ADCY5: variants seen among roughly 807,000 people sequenced by gnomAD.
ADCY5 encodes the protein adenylate cyclase 5.
In ADCY5, 30 loss-of-function variants were observed where a neutral mutation model predicts 119.7. The observed-to-expected ratio is 0.25, with a 90% CI of 0.19 to 0.34. The LOEUF (loss-of-function observed/expected upper bound fraction) is 0.34. Ranked by LOEUF, ADCY5 falls within the 10% of genes least tolerant of loss-of-function variation. ADCY5 has a pLI of 1.00. For missense variants in ADCY5, 1,324 were observed against 1,775.2 expected (o/e 0.75, Z 4.57); for synonymous variants, 753 against 762.2 (o/e 0.99, Z 0.20).
At chr3:123,321,021 A>G (rs1345242645) in intron 8 of ADCY5, among the ~76,000 whole-genome samples, 1 of 152,122 alleles carries the variant, frequency 6.6e-6, no homozygotes, top group African/African-American at 2.4e-5. Flanking sequence ...CCACCGGCAC[A>G]ATCCATGTGT....
intron 1 of ADCY5, among the ~76,000 whole-genome samples, chr3:123,376,525 C>T (rs140889535): frequency 1.0e-3 from 155 of 152,284 alleles, no homozygotes; most frequent in Non-Finnish European, 2.0e-3. Context: ...GGAGGGGACA[C>T]CTATTCCTAG....
At chr3:123,345,407 A>C (rs1448908719) in intron 3 of ADCY5, among the ~76,000 whole-genome samples, 7 of 152,202 alleles carry the variant, frequency 4.6e-5, no homozygotes. Context: ...CCACTGAATG[A>C]GCGAAACCTG....
At chr3:123,370,101 T>A (rs1943582030) in intron 1 of ADCY5, among the ~76,000 whole-genome samples, 1 of 152,090 alleles carries the variant, frequency 6.6e-6, no homozygotes, top group African/African-American at 2.4e-5. Context: ...AACTCAACCA[T>A]TATGATAGAA....
In ADCY5 at chr3:123,286,973, C is replaced by T; in HGVS notation, c.3533-164G>A. ...CCCTGCAGCCTCCCGCTACCCTGCT[C>T]CTGTCAAATGCCTGTGAATGCAAGA... On this transcript the variant is annotated intron_variant, in intron 19 of 20. Coordinates refer to ENST00000462833, the MANE Select transcript of ADCY5 (RefSeq NM_183357.3). This position sits in a 1 kb window ranked among gnomAD's most constrained non-coding sequence, Gnocchi z 4.2. The T allele has an allele frequency of 2.2e-6, 2 of 930,228 alleles. No individual in the cohort carries two copies. Among genetic ancestry groups the T allele is most frequent in the Non-Finnish European group, 3.0e-6 (2 of 656,882 alleles). The allele number at this position is 930,228 out of a possible 1,614,324, so 57.6% of individuals were successfully genotyped here. A position where few individuals can be genotyped will look rare whatever the true frequency, so the allele number is the denominator to read the frequency against.
At chr3:123,373,761 C>T (rs1386870345) in intron 1 of ADCY5, among the ~76,000 whole-genome samples, 38 of 20,286 alleles carry the variant, frequency 1.9e-3, no homozygotes, top group South Asian at 0.011. Context: ...GCATCACGCC[C>T]CCCCCCCCCC....
intron 1 of ADCY5, among the ~76,000 whole-genome samples, chr3:123,433,771 T>C (rs763952785): frequency 6.6e-6 from 1 of 152,108 alleles, no homozygotes; most frequent in Non-Finnish European, 1.5e-5. Context: ...CTTCCCTCCC[T>C]GTCCCACTTA....
intron 3 of ADCY5, among the ~76,000 whole-genome samples, chr3:123,337,669 C>A (rs1052234862): frequency 9.2e-5 from 14 of 152,220 alleles, no homozygotes; most frequent in African/African-American, 3.4e-4. Context: ...ACAAGTTCAC[C>A]ATTCCTATTG....
At chr3:123,349,159 C>G (rs1361872746) in intron 2 of ADCY5, among the ~76,000 whole-genome samples, 1 of 152,238 alleles carries the variant, frequency 6.6e-6, no homozygotes, top group Non-Finnish European at 1.5e-5. Flanking sequence ...ACCCTGACAT[C>G]ACACCCAAAC....
chr3:123,347,355 G>C (rs1319196937), intron 3 of ADCY5, among the ~76,000 whole-genome samples: 2 of 152,210 alleles, frequency 1.3e-5, no homozygotes, highest in Non-Finnish European at 2.9e-5. Context: ...AAGGTGGGCA[G>C]AGCCTGGCCC....
At chr3:123,447,103 T>C (rs1945830120) in intron 1 of ADCY5, among the ~76,000 whole-genome samples, 1 of 152,176 alleles carries the variant, frequency 6.6e-6, no homozygotes, top group Admixed American at 6.5e-5. Context: ...CAGGAAGAGA[T>C]GGGAAACACT....
intron 1 of ADCY5, among the ~76,000 whole-genome samples, chr3:123,368,606 G>T (rs1167653787): frequency 6.6e-6 from 1 of 152,140 alleles, no homozygotes; most frequent in Non-Finnish European, 1.5e-5. Flanking sequence ...AAAAAAATTA[G>T]CTGGACATGA....
intron 15 of ADCY5, among the ~76,000 whole-genome samples, 160 bp downstream of exon 15, chr3:123,299,960 A>T (rs926539818): frequency 2.0e-5 from 3 of 152,198 alleles, no homozygotes; most frequent in Middle Eastern, 3.2e-3. Context: ...ATGGGAAGGA[A>T]GGAAAGAAAC....
At chr3:123,393,522 A>G (rs1209351008) in intron 1 of ADCY5, among the ~76,000 whole-genome samples, 8 of 151,804 alleles carry the variant, frequency 5.3e-5, no homozygotes, top group Non-Finnish European at 1.0e-4. Context: ...GTGCCACTGC[A>G]CTCCAGCCTG....
At position 123,327,767 on chromosome 3, in the gene ADCY5, G is replaced by C. The variant is rs371154815; in HGVS notation, c.1806-8C>G. 3.2e-5 allele frequency: 52 copies of C among 1,613,790 alleles called. No homozygotes were observed. Among genetic ancestry groups the C allele is most frequent in the Middle Eastern group, 1.6e-4 (1 of 6,084 alleles). ...TTGGTGATGTGGATGCGTCTACAGG[G>C]GGGCAGGGATCAGGGTGGAGAGGGC... On this transcript the variant is annotated splice_polypyrimidine_tract_variant and splice_region_variant and intron_variant, in intron 6 of 20. Coordinates refer to ENST00000462833, the MANE Select transcript of ADCY5 (RefSeq NM_183357.3).
intron 6 of ADCY5, among the ~76,000 whole-genome samples, chr3:123,328,335 T>G (rs1203950617): frequency 6.6e-6 from 1 of 152,068 alleles, no homozygotes; most frequent in Non-Finnish European, 1.5e-5. Flanking sequence ...CTATCTGTGA[T>G]TCCTCCCTCC....
At chr3:123,345,769 G>GACAGACACACACACACACACACACAC (rs57198270) in intron 3 of ADCY5, among the ~76,000 whole-genome samples, 39 of 113,838 alleles carry the variant, frequency 3.4e-4, no homozygotes, top group African/African-American at 1.5e-3. Context: ...CAGACAGACA[G>GACAGACACACACACACACACACACAC]ACACACACAC....
In ADCY5 at chr3:123,318,042, C is replaced by G; in HGVS notation, c.2332G>C (p.Val778Leu). The G allele has an allele frequency of 2.5e-6, 4 of 1,613,830 alleles. No homozygotes were observed. The highest frequency in any genetic ancestry group is 3.4e-6 in the Non-Finnish European group (4 of 1,179,926). ...CACTGGGGCACGATGGTGATCTGGA[C>G]AAAGCAGATGAAGAGGAAGACGAGC... ...ASLVFLFICFVQITIVPHSIF... is the reference protein window; with the variant it reads ...ASLVFLFICFLQITIVPHSIF... The change falls in exon 11 of 21, where the codon GTC (valine) becomes CTC (leucine). Residue 778 changes from valine to leucine, a missense_variant. Transcript: ENST00000462833.
intron 1 of ADCY5, among the ~76,000 whole-genome samples, chr3:123,439,075 G>GTTTTTTTTTTTTTTTTTTT (rs1553750271): frequency 7.2e-4 from 2 of 2,794 alleles, no homozygotes; most frequent in African/African-American, 1.4e-3. Flanking sequence ...ACCCTAAAGT[G>GTTTTTTTTTTTTTTTTTTT]CTTTTTTTTT....
At chr3:123,443,288 G>A (rs759348159) in intron 1 of ADCY5, among the ~76,000 whole-genome samples, 2 of 152,090 alleles carry the variant, frequency 1.3e-5, no homozygotes, top group Non-Finnish European at 2.9e-5. Context: ...GCCAGAGGTC[G>A]AGGTCCGAAG....
Sources: gnomAD v4.1 joint callset for allele counts (sites outside exome capture counted in the v4.1 genomes callset) on GRCh38, gnomAD v4.1.1 for gene constraint, Gnocchi (gnomAD v3.1) non-coding constraint, MANE v1.5 for transcripts, NCBI Gene and HGNC (gene_info 2026-07-23, HGNC 2026-07-21) for gene names.